Variants in ROBO1 observed in about 807,000 individuals in gnomAD.
The protein encoded by ROBO1 is roundabout homolog 1.
ROBO1 carries 149 observed loss-of-function variants against 195.9 expected under a neutral mutation model. That is an observed-to-expected ratio of 0.76 (90% CI 0.67 to 0.87). The LOEUF (loss-of-function observed/expected upper bound fraction) is 0.87. ROBO1 is among the 40% of genes least tolerant of loss of function. ROBO1 has a pLI of 0.00. For missense variants in ROBO1, 1,933 were observed against 2,068.3 expected, an observed-to-expected ratio of 0.93 and a Z score of 1.27; for synonymous variants, 816 against 733.2, an observed-to-expected ratio of 1.11 and a Z score of -1.82.
At chr3:79,730,818 C>T (rs1238353698) in intron 1 of ROBO1, among the ~76,000 whole-genome samples, 2 of 133,520 alleles carry the variant, frequency 1.5e-5, no homozygotes, top group Non-Finnish European at 3.1e-5. Flanking sequence ...TGCTCTGTTG[C>T]CCAGGCTGGA....
chr3:78,635,738 C>T (rs1013400746), intron 23 of ROBO1, 35 bp downstream of exon 23: 10 of 1,578,682 alleles, frequency 6.3e-6, no homozygotes, highest in Non-Finnish European at 8.7e-6. Context: ...GAGTATCATA[C>T]AGAAACAGAT....
intron 4 of ROBO1, among the ~76,000 whole-genome samples, chr3:78,905,425 C>T (rs1272490561): frequency 2.6e-5 from 4 of 151,976 alleles, no homozygotes; most frequent in African/African-American, 9.7e-5. Context: ...ATCACTTGAG[C>T]TCAGGAGTTC....
chr3:79,170,991 G>T (rs900758052), intron 2 of ROBO1, among the ~76,000 whole-genome samples: 5 of 151,816 alleles, frequency 3.3e-5, no homozygotes, highest in African/African-American at 4.8e-5. Flanking sequence ...TAGTTCAAAA[G>T]AGCCAACTGA....
At chr3:78,750,144 GT>G (rs911829092) in intron 4 of ROBO1, among the ~76,000 whole-genome samples, 12 of 151,896 alleles carry the variant, frequency 7.9e-5, no homozygotes, top group African/African-American at 2.9e-4. Flanking sequence ...ATCCTAGAAG[GT>G]TTTTTCTTTA....
intron 3 of ROBO1, among the ~76,000 whole-genome samples, chr3:79,105,078 AATCT>A (rs1228217473): frequency 6.6e-6 from 1 of 151,822 alleles, no homozygotes; most frequent in African/African-American, 2.4e-5. Context: ...AATACAAAAA[AATCT>A]AGGAGACCAT....
chr3:79,244,144 C>T (rs1576866972), intron 2 of ROBO1, among the ~76,000 whole-genome samples: 4 of 151,998 alleles, frequency 2.6e-5, no homozygotes, highest in African/African-American at 7.2e-5. Flanking sequence ...CAGATTCCAC[C>T]GTTGATGTTC....
intron 4 of ROBO1, among the ~76,000 whole-genome samples, chr3:78,804,732 C>CAAAA (rs10576248): frequency 1.7e-4 from 16 of 93,152 alleles, no homozygotes; most frequent in Non-Finnish European, 2.2e-4. Flanking sequence ...GGAGCAAAGG[C>CAAAA]AAAAAAAAAA....
intron 4 of ROBO1, among the ~76,000 whole-genome samples, chr3:78,822,085 C>CATAT (rs1426913985): frequency 3.0e-5 from 4 of 133,476 alleles, no homozygotes; most frequent in Non-Finnish European, 6.5e-5. Flanking sequence ...GGGAAACACA[C>CATAT]ATATACATAC....
intron 1 of ROBO1, among the ~76,000 whole-genome samples, chr3:79,665,028 C>T (rs185989841): frequency 7.2e-4 from 110 of 151,886 alleles, no homozygotes; most frequent in Middle Eastern, 3.4e-3. Flanking sequence ...AGCCACATAA[C>T]GAGAAATGAT....
At chr3:78,607,432 C>T in intron 28 of ROBO1, 1 of 190,124 alleles carries the variant, frequency 5.3e-6, no homozygotes, top group South Asian at 1.1e-4. Context: ...AGGCTGGTCT[C>T]AAACTCCTGG....
chr3:79,317,169 T>A (rs2033772555), intron 2 of ROBO1, among the ~76,000 whole-genome samples: 1 of 152,172 alleles, frequency 6.6e-6, no homozygotes, highest in South Asian at 2.1e-4. Flanking sequence ...TTTCTGTAAA[T>A]GTGTATGTAT....
intron 29 of ROBO1, among the ~76,000 whole-genome samples, chr3:78,604,849 C>T (rs968396887): frequency 6.6e-6 from 1 of 152,232 alleles, no homozygotes; most frequent in African/African-American, 2.4e-5. Flanking sequence ...CCCTATCACT[C>T]TTTGCTGATT....
chr3:78,866,670 CT>C (rs1309720418), intron 4 of ROBO1, among the ~76,000 whole-genome samples: 3 of 152,144 alleles, frequency 2.0e-5, no homozygotes, highest in Non-Finnish European at 4.4e-5. Flanking sequence ...AATCTCTGAA[CT>C]CTTATATTGT....
chr3:79,234,376 T>C (rs971175316), intron 2 of ROBO1, among the ~76,000 whole-genome samples: 6 of 152,132 alleles, frequency 3.9e-5, no homozygotes, highest in African/African-American at 1.4e-4. Context: ...TAGCGAAAGA[T>C]AGGGGTCCAG....
chr3:78,838,700 C>G (rs1007164461), intron 4 of ROBO1, among the ~76,000 whole-genome samples: 1 of 151,450 alleles, frequency 6.6e-6, no homozygotes, highest in African/African-American at 2.5e-5. Flanking sequence ...GAGGGAAGCA[C>G]CCCCGCCCTA....
chr3:79,332,267 G>A (rs1157535743), intron 2 of ROBO1, among the ~76,000 whole-genome samples: 2 of 150,656 alleles, frequency 1.3e-5, no homozygotes, highest in Non-Finnish European at 2.9e-5. Context: ...CAAGAAGGCA[G>A]AGAGTTAATG....
intron 2 of ROBO1, among the ~76,000 whole-genome samples, chr3:79,367,931 T>G (rs750020690): frequency 8.5e-5 from 13 of 152,220 alleles, no homozygotes; most frequent in Non-Finnish European, 1.3e-4. Context: ...GAATGAATAA[T>G]AGGTAGGTTT....
chr3:79,295,160 G>T (rs951599455), intron 2 of ROBO1, among the ~76,000 whole-genome samples: 1 of 152,158 alleles, frequency 6.6e-6, no homozygotes, highest in African/African-American at 2.4e-5. Flanking sequence ...TATGCTTATT[G>T]CAGCACTATT....
At chr3:79,660,490 T>A (rs1354286197) in intron 1 of ROBO1, among the ~76,000 whole-genome samples, 3 of 152,088 alleles carry the variant, frequency 2.0e-5, no homozygotes, top group Non-Finnish European at 4.4e-5. Context: ...TCTGCAAACC[T>A]GTGCCCTGAA....
Sources: gnomAD v4.1 joint callset for allele counts (sites outside exome capture counted in the v4.1 genomes callset) on GRCh38, gnomAD v4.1.1 for gene constraint, MANE v1.5 for transcripts, NCBI Gene and HGNC (gene_info 2026-07-23, HGNC 2026-07-21) for gene names.